ZNF565: variants seen among roughly 807,000 people sequenced by gnomAD.
ZNF565 encodes zinc finger protein 565.
ZNF565 carries 27 observed loss-of-function variants against 39.4 expected under a neutral mutation model. That is an observed-to-expected ratio of 0.69 (90% CI 0.51 to 0.95). The LOEUF is 0.95. Among genes scored for constraint, ZNF565 ranks in the 40% least tolerant of loss-of-function variants. The probability of loss-of-function intolerance (pLI) is 0.00; values close to 1 mark genes in which losing one functional copy is unlikely to be tolerated. For missense variants in ZNF565, 524 were observed against 621.1 expected (o/e 0.84, Z 1.66); for synonymous variants, 185 against 216.6 (o/e 0.85, Z 1.28).
rs995635606 is a variant in ZNF565 at position 36,210,906 on chromosome 19, T to C, written c.-66+3716A>G. Among the ~76,000 whole-genome samples, 17 of 148,030 alleles carry C rather than the reference T, an allele frequency of 1.1e-4. No individual in the cohort carries two copies. In the East Asian group the frequency reaches 3.4e-3, roughly 29 times the overall value. On this transcript the variant is annotated intron_variant, in intron 1 of 4. Transcript: ENST00000304116. ...TGGAACACCTTGTGGTGCCAGAAAA[T>C]AAATAATAAAAATAGTAAATAAAGA...
At chr19:36,208,340 C>T (rs1053591231) in intron 1 of ZNF565, among the ~76,000 whole-genome samples, 7 of 151,700 alleles carry the variant, frequency 4.6e-5, no homozygotes, top group African/African-American at 1.7e-4. Flanking sequence ...TAGCTGAGAC[C>T]ACAGGCATGC....
chr19:36,192,006 CTT>C (rs796289244), intron 4 of ZNF565, among the ~76,000 whole-genome samples: 186 of 140,566 alleles, frequency 1.3e-3, no homozygotes, highest in African/African-American at 4.5e-3. Flanking sequence ...CAGCACCTAT[CTT>C]TTTTTTTTTT....
chr19:36,199,264 T>C (rs1975870652), intron 2 of ZNF565, among the ~76,000 whole-genome samples: 1 of 152,214 alleles, frequency 6.6e-6, no homozygotes, highest in Non-Finnish European at 1.5e-5. Context: ...ATGGACCATT[T>C]TATGGTTATT....
At chr19:36,237,159 A>G in intron 1 of ZNF565, 1 of 1,614,174 alleles carries the variant, frequency 6.2e-7, no homozygotes, top group Non-Finnish European at 8.5e-7. Context: ...GAGAAGCCCT[A>G]TGGTTGTAAT....
At chr19:36,197,309 C>G (rs1975797481) in intron 2 of ZNF565, among the ~76,000 whole-genome samples, 1 of 149,924 alleles carries the variant, frequency 6.7e-6, no homozygotes, top group African/African-American at 2.5e-5. Flanking sequence ...ACAACAAAAC[C>G]CCCAAAAAAG....
At chr19:36,198,179 T>C (rs1027268013) in intron 2 of ZNF565, among the ~76,000 whole-genome samples, 1 of 152,004 alleles carries the variant, frequency 6.6e-6, no homozygotes, top group African/African-American at 2.4e-5. Context: ...AAGAGATATC[T>C]GCACTCCATG....
intron 1 of ZNF565, chr19:36,228,407 A>G (rs1044546275): frequency 4.6e-5 from 7 of 152,212 alleles, no homozygotes; most frequent in African/African-American, 1.7e-4. Flanking sequence ...TGCTAGAGAA[A>G]AACAGCAATC....
At chr19:36,241,763 G>A (rs1977804810) in intron 1 of ZNF565, among the ~76,000 whole-genome samples, 1 of 133,340 alleles carries the variant, frequency 7.5e-6, no homozygotes, top group Admixed American at 8.2e-5. Context: ...CTGCACTCCA[G>A]CCTGGCAAGA....
chr19:36,241,447 G>A (rs1375257027), intron 1 of ZNF565, among the ~76,000 whole-genome samples: 1 of 141,064 alleles, frequency 7.1e-6, no homozygotes, highest in African/African-American at 2.7e-5. Context: ...TCGTGCCGTT[G>A]AACTCCGGCC....
intron 1 of ZNF565, chr19:36,237,226 C>T (rs2097769463): frequency 6.2e-7 from 1 of 1,613,906 alleles, no homozygotes; most frequent in Admixed American, 1.7e-5. Flanking sequence ...TGAGAATACA[C>T]ACAGGTAAGA....
At chr19:36,241,445 T>A (rs1433673275) in intron 1 of ZNF565, among the ~76,000 whole-genome samples, 2 of 134,062 alleles carry the variant, frequency 1.5e-5, no homozygotes, top group African/African-American at 5.7e-5. Flanking sequence ...GATCGTGCCG[T>A]TGAACTCCGG....
In ZNF565 at chr19:36,227,060, G is replaced by A. The variant is rs1464413426; in HGVS notation, c.55+18416C>T. 3.4e-5 allele frequency among the ~76,000 whole-genome samples: 5 copies of A among 146,674 alleles called. No homozygotes were observed. The Admixed American group carries it at 3.4e-4, about 10-fold the overall frequency. ...ATCGCACCACTGCGCTCCAGCCTGG[G>A]CAACAAGAGTAAAACTCCATCTCAA... is the stretch of plus-strand genomic sequence containing the variant. On this transcript the variant is annotated intron_variant, in intron 1 of 4. Coordinates refer to the ZNF565 transcript ENST00000355114.
intron 1 of ZNF565, among the ~76,000 whole-genome samples, chr19:36,233,216 C>G (rs559059987): frequency 2.0e-5 from 3 of 152,184 alleles, no homozygotes; most frequent in Admixed American, 2.0e-4. Context: ...AATCCTGTCT[C>G]TACTAAAAAT....
intron 4 of ZNF565, among the ~76,000 whole-genome samples, chr19:36,192,149 C>A (rs898771292): frequency 1.3e-5 from 2 of 151,892 alleles, no homozygotes; most frequent in African/African-American, 4.8e-5. Flanking sequence ...CCACCACGCC[C>A]AGCTAATTTT....
At chr19:36,186,177 A>G (rs971167038) in intron 4 of ZNF565, among the ~76,000 whole-genome samples, 9 of 152,024 alleles carry the variant, frequency 5.9e-5, no homozygotes, top group Non-Finnish European at 1.3e-4. Context: ...TTGTATTTTT[A>G]TTAGAGACAA....
chr19:36,240,878 A>T (rs188407838), intron 1 of ZNF565, among the ~76,000 whole-genome samples: 163 of 152,212 alleles, frequency 1.1e-3, no homozygotes, highest in Non-Finnish European at 2.0e-3. Flanking sequence ...TCAAAAAAAA[A>T]AAAAAAGATG....
chr19:36,228,958 C>T (rs1329553858), intron 1 of ZNF565: 1 of 152,176 alleles, frequency 6.6e-6, no homozygotes, highest in Non-Finnish European at 1.5e-5. Flanking sequence ...AATGACGCTT[C>T]CAGTCATCAT....
At chr19:36,217,730 C>G (rs1976670027), upstream of ZNF565, among the ~76,000 whole-genome samples, 2 of 151,550 alleles carry the variant, frequency 1.3e-5, no homozygotes, top group Admixed American at 6.6e-5. Context: ...ACTAAAAATA[C>G]AAAATTAGCC....
chr19:36,232,836 T>G (rs1425255141), intron 1 of ZNF565, among the ~76,000 whole-genome samples: 1 of 152,030 alleles, frequency 6.6e-6, no homozygotes, highest in Non-Finnish European at 1.5e-5. Flanking sequence ...TCTTAAACTC[T>G]TGGCCCCACA....
Sources: allele counts gnomAD v4.1 joint callset (sites outside exome capture counted in the v4.1 genomes callset), GRCh38; gene constraint gnomAD v4.1.1; transcripts MANE v1.5; gene names NCBI Gene and HGNC (gene_info 2026-07-23, HGNC 2026-07-21).